PLXNB1: variants seen among roughly 807,000 people sequenced by gnomAD.
The protein encoded by PLXNB1 is plexin B1.
PLXNB1 carries 106 observed loss-of-function variants against 209.4 expected under a neutral mutation model. The ratio of observed to expected loss-of-function variants is 0.51; its 90% CI spans 0.43 to 0.59. The LOEUF (loss-of-function observed/expected upper bound fraction) is 0.59, where lower values mean the gene tolerates loss of function less well. PLXNB1 is among the 20% of genes least tolerant of loss of function. The probability of loss-of-function intolerance (pLI) is 0.00; values close to 1 mark genes in which losing one functional copy is unlikely to be tolerated. For synonymous variants in PLXNB1, 1,167 were observed against 1,183.2 expected, an observed-to-expected ratio of 0.99 and a Z score of 0.28; for missense variants, 2,357 against 2,853.2, an observed-to-expected ratio of 0.83 and a Z score of 3.96.
Position 48,424,636 on chromosome 3 carries a change from G to C in PLXNB1, c.-6-19C>G. The stretch of plus-strand genomic sequence containing the variant: ...TGGTCACCTGGCAGGAAGAGAGGTC[G>C]AGAGAGTGGGGCTCACGTGGCCGCC... On this transcript the variant is annotated intron_variant, in intron 2 of 37. Transcript: ENST00000296440. 1 of 1,531,472 alleles carries C rather than the reference G, an allele frequency of 6.5e-7. No homozygotes were observed. Among genetic ancestry groups the C allele is most frequent in the Non-Finnish European group, 8.7e-7 (1 of 1,143,920 alleles). 94.9% of individuals were successfully genotyped at this position (1,531,472 alleles called of 1,614,324 possible).
chr3:48,421,188 G>A (rs760343578), intron 8 of PLXNB1, 40 bp downstream of exon 8: 1 of 1,595,614 alleles, frequency 6.3e-7, no homozygotes, highest in South Asian at 1.1e-5. Flanking sequence ...CCCTGAAGCA[G>A]GGGCTGGCCC....
chr3:48,426,907 T>C (rs888752537), intron 1 of PLXNB1, among the ~76,000 whole-genome samples: 1 of 152,100 alleles, frequency 6.6e-6, no homozygotes, highest in Non-Finnish European at 1.5e-5. Flanking sequence ...TTTCTTCCCA[T>C]GGGAAGACAG....
chr3:48,418,674 T>C lies in PLXNB1; in HGVS notation c.2956-132A>G, dbSNP rs2038272025. 1.1e-6 allele frequency: 1 copy of C among 904,256 alleles called. No individual in the cohort carries two copies. Among genetic ancestry groups the C allele is most frequent in the Admixed American group, 2.3e-5 (1 of 44,072 alleles). 56.0% of individuals were successfully genotyped at this position (904,256 alleles called of 1,614,324 possible). ...CAGAGGGACCCCATGGGGCCACAAGTTGGAGGGCAGAGCCAGAAATGGAGT... is the reference window on the plus strand; with the variant it reads ...CAGAGGGACCCCATGGGGCCACAAGCTGGAGGGCAGAGCCAGAAATGGAGT... On this transcript the variant is annotated intron_variant, in intron 13 of 37. Transcript: ENST00000296440. The surrounding 1 kb of genome is among the most constrained non-coding windows in gnomAD (Gnocchi z 6.6).
intron 1 of PLXNB1, among the ~76,000 whole-genome samples, chr3:48,426,782 C>G (rs972859761): frequency 6.6e-6 from 1 of 151,980 alleles, no homozygotes; most frequent in Non-Finnish European, 1.5e-5. Flanking sequence ...CCCAAGGGGG[C>G]GGGGGGAAGG....
rs771118029 is a variant in PLXNB1, at chr3:48,415,598, G to A, written c.3779C>T (p.Thr1260Ile). Reference protein sequence around the residue: ...LDPNITSAGPTKSFLSGGREI... With the variant: ...LDPNITSAGPIKSFLSGGREI... ...GGCCCAACACCTGAGGAAGCTCTTG[G>A]TGGGGCCAGCAGAGGTGATGTTGGG... Residue 1260 changes from threonine to isoleucine, a missense_variant, in exon 19 of 38, where the codon ACC becomes ATC. By Grantham distance (89) the Thr-to-Ile change is moderately conservative. Transcript: ENST00000296440. The surrounding 1 kb of genome is among the most constrained non-coding windows in gnomAD (Gnocchi z 5.0). 9 of 1,581,948 alleles carry A rather than the reference G, an allele frequency of 5.7e-6. No homozygotes were observed. In the East Asian group the frequency reaches 1.4e-4, roughly 24 times the overall value.
chr3:48,418,091 T>C lies in PLXNB1; in HGVS notation c.3223-29A>G. ...TTCCAGGACAAGGACTGCTCACCTCTACTCAACTGGAAAGGCAGCCCCAAC... is the reference window on the plus strand; with the variant it reads ...TTCCAGGACAAGGACTGCTCACCTCCACTCAACTGGAAAGGCAGCCCCAAC... On this transcript the variant is annotated intron_variant, in intron 15 of 37. Transcript: ENST00000296440. This position sits in a 1 kb window ranked among gnomAD's most constrained non-coding sequence, Gnocchi z 6.6. 1.2e-6 allele frequency: 2 copies of C among 1,608,926 alleles called. No homozygotes were observed. Among genetic ancestry groups the C allele is most frequent in the Admixed American group, 3.3e-5 (2 of 59,902 alleles).
In PLXNB1 at chr3:48,419,330, C is replaced by T. The variant is rs2038328657; in HGVS notation, c.2746G>A (p.Val916Met). 1 of 1,589,302 alleles carries T rather than the reference C, an allele frequency of 6.3e-7. No homozygotes were observed. The highest frequency in any genetic ancestry group is 1.7e-5 in the Admixed American group (1 of 57,290). The stretch of plus-strand genomic sequence containing the variant: ...AACGTGGAGCCCTGAACGCTCTCCA[C>T]ACAGGGGCAGGAGCTTGCCCCCAAG... ...ATLGASSCPC[V>M]ESVQGSTLMP... Residue 916 changes from valine (V) to methionine (M), a missense_variant, in exon 12 of 38, where the codon GTG becomes ATG. By Grantham distance (21) the Val-to-Met change is conservative (BLOSUM62 1). This residue lies in a region of PLXNB1 where 410 missense variants were observed against 401.0 expected (regional missense o/e 1.02). Transcript: ENST00000296440. The surrounding 1 kb of genome is among the most constrained non-coding windows in gnomAD (Gnocchi z 5.7).
In PLXNB1 at chr3:48,410,622, C is replaced by G; in HGVS notation, c.5417-64G>C. On this transcript the variant is annotated intron_variant, in intron 29 of 37. Coordinates refer to ENST00000296440, the MANE Select transcript of PLXNB1 (RefSeq NM_001130082.3). The surrounding 1 kb of genome is among the most constrained non-coding windows in gnomAD (Gnocchi z 6.4). The stretch of plus-strand genomic sequence containing the variant: ...ATACCCTTCCCATAGTGGAGCCCAT[C>G]TCCTCCTCCACAGGGACACCAGCCC... 7.3e-7 allele frequency: 1 copy of G among 1,365,984 alleles called. No homozygotes were observed. The highest frequency in any genetic ancestry group is 1.0e-6 in the Non-Finnish European group (1 of 960,976). The allele number at this position is 1,365,984 out of a possible 1,614,324, so 84.6% of individuals were successfully genotyped here.
chr3:48,422,190 C>A lies in PLXNB1; in HGVS notation c.1435G>T (p.Val479Leu), dbSNP rs781723083. Residue 479 changes from valine to leucine, a missense_variant, in exon 6 of 38, where the codon GTG becomes TTG. Physicochemically the swap from Val to Leu is conservative, Grantham distance 32. This residue lies in a region of PLXNB1 where 214 missense variants were observed against 297.1 expected (regional missense o/e 0.72). Coordinates refer to ENST00000296440, the MANE Select transcript of PLXNB1 (RefSeq NM_001130082.3). Reference sequence around the variant, plus strand: ...TCCAGGTGCTGAGCACAGGAAGCCACAGGAACCTTCAGAAGCTGAGACAGC... The same window carrying A: ...TCCAGGTGCTGAGCACAGGAAGCCAAAGGAACCTTCAGAAGCTGAGACAGC... ...MTQSTLLKVPVASCAQHLDCA... is the reference protein window; with the variant it reads ...MTQSTLLKVPLASCAQHLDCA... The A allele has an allele frequency of 5.0e-6, 8 of 1,614,076 alleles. No individual in the cohort carries two copies. Among genetic ancestry groups the A allele is most frequent in the Non-Finnish European group, 6.8e-6 (8 of 1,179,958 alleles).
intron 21 of PLXNB1, among the ~76,000 whole-genome samples, chr3:48,414,337 C>G (rs1348438403): frequency 6.6e-6 from 1 of 152,194 alleles, no homozygotes; most frequent in African/African-American, 2.4e-5. Context: ...CCTAACAAAG[C>G]TGGAGCCCCC....
rs1271511788 is a variant in PLXNB1, at chr3:48,412,624, C to T, written c.4855-4G>A. ...GGCTCTCCAGCGTGTGGATGAACTG[C>T]AGCCAAAGAGAAGGGATGGGAAAAG... is the stretch of plus-strand genomic sequence containing the variant. On this transcript the variant is annotated splice_polypyrimidine_tract_variant and splice_region_variant and intron_variant, in intron 25 of 37. Transcript: ENST00000296440. 6.2e-7 allele frequency: 1 copy of T among 1,612,896 alleles called. No individual in the cohort carries two copies. Among genetic ancestry groups the T allele is most frequent in the Non-Finnish European group, 8.5e-7 (1 of 1,179,594 alleles).
chr3:48,424,680 T>C (rs2038790724), intron 2 of PLXNB1, 63 bp from the exon 3 acceptor site: 2 of 1,476,150 alleles, frequency 1.4e-6, no homozygotes, highest in Non-Finnish European at 9.1e-7. Context: ...CTGGGGCCAC[T>C]GGTAAGGGAT....
chr3:48,423,433 C>A (rs1056382499), intron 3 of PLXNB1, 72 bp downstream of exon 3: 4 of 1,529,724 alleles, frequency 2.6e-6, no homozygotes, highest in Non-Finnish European at 3.6e-6. Context: ...ACTCTCTGGG[C>A]AGCTCCTTGG....
chr3:48,413,960 C>G lies in PLXNB1; in HGVS notation c.4321G>C (p.Val1441Leu). Reference protein sequence around the residue: ...TRHHLYCEPPVEQPLPRHHAL... With the variant: ...TRHHLYCEPPLEQPLPRHHAL... ...TGGTGCCGTGGCAGGGGCTGCTCCACGGGGGGCTCGCAGTACAGGTGGTGC... is the reference window on the plus strand; with the variant it reads ...TGGTGCCGTGGCAGGGGCTGCTCCAGGGGGGGCTCGCAGTACAGGTGGTGC... The change falls in exon 22 of 38, where the codon GTG (valine) becomes CTG (leucine). Residue 1441 changes from valine to leucine, a missense_variant. This residue lies in a region of PLXNB1 where 743 missense variants were observed against 896.2 expected (regional missense o/e 0.83). Transcript: ENST00000296440. This position sits in a 1 kb window ranked among gnomAD's most constrained non-coding sequence, Gnocchi z 5.4. 1 of 1,613,308 alleles carries G rather than the reference C, an allele frequency of 6.2e-7. No homozygotes were observed. The highest frequency in any genetic ancestry group is 8.5e-7 in the Non-Finnish European group (1 of 1,179,828).
At position 48,421,210 on chromosome 3, in the gene PLXNB1, G is replaced by A. The variant is rs1560069211; in HGVS notation, c.1810+18C>T. 1 of 1,611,404 alleles carries A rather than the reference G, an allele frequency of 6.2e-7. No homozygotes were observed. Among genetic ancestry groups the A allele is most frequent in the South Asian group, 1.1e-5 (1 of 90,704 alleles). On this transcript the variant is annotated intron_variant, in intron 8 of 37. Coordinates refer to ENST00000296440, the MANE Select transcript of PLXNB1 (RefSeq NM_001130082.3). ...GCAGGGGCTGGCCCCCACCAGGCTG[G>A]CCCATTCTCTCACCCACCGGCTCCT...
chr3:48,418,519 C>T lies in PLXNB1; in HGVS notation c.2979G>A (p.Pro993=), dbSNP rs541951331. Residue 993 remains proline (P), a synonymous_variant, in exon 14 of 38, where the codon CCG becomes CCA. Transcript: ENST00000296440. This position sits in a 1 kb window ranked among gnomAD's most constrained non-coding sequence, Gnocchi z 6.6. ...QHQLSYEALQ[P]ELRVGLFLRR... is the part of the protein sequence containing the mutation. ...GCAGAAACAGCCCCACACGGAGCTCCGGCTGCAGAGCCTCATAGCTGAGCT... is the reference window on the plus strand; with the variant it reads ...GCAGAAACAGCCCCACACGGAGCTCTGGCTGCAGAGCCTCATAGCTGAGCT... The T allele has an allele frequency of 1.3e-4, 206 of 1,606,730 alleles. 3 individuals are homozygous for T. The South Asian group carries it at 1.6e-3, about 12-fold the overall frequency.
At position 48,426,124 on chromosome 3, in the gene PLXNB1, C is replaced by T. The variant is rs368944800; in HGVS notation, c.-59-791G>A. On this transcript the variant is annotated intron_variant, in intron 1 of 37. Coordinates refer to ENST00000296440, the MANE Select transcript of PLXNB1 (RefSeq NM_001130082.3). ...GCTAGGCCATCTCTTGCTATTTCCT[C>T]TCCTGCAGTTCAGAATAGTGCCAGG... Among the ~76,000 whole-genome samples the T allele has an allele frequency of 1.5e-4, 23 of 152,310 alleles. No individual in the cohort carries two copies. In the East Asian group the frequency reaches 2.9e-3, roughly 19 times the overall value.
chr3:48,416,064 A>T lies in PLXNB1; in HGVS notation c.3584T>A (p.Ile1195Asn). The T allele has an allele frequency of 6.2e-7, 1 of 1,602,580 alleles. No homozygotes were observed. The highest frequency in any genetic ancestry group is 2.2e-5 in the East Asian group (1 of 44,460). ...AGGCTGGTCTCCAACCACCACTCGG[A>T]TGTCCTCCAGCCGCCCAGTCAGGAG... ...SKLLTGRLED[I>N]RVVVGDQPCH... Residue 1195 changes from isoleucine (I) to asparagine (N), a missense_variant, in exon 18 of 38, where the codon ATC becomes AAC. Physicochemically the swap from Ile to Asn is moderately radical, Grantham distance 149. Around this residue, in one of 7 missense-constraint regions of PLXNB1, gnomAD observed 743 missense variants for 896.2 expected, o/e 0.83. Coordinates refer to ENST00000296440, the MANE Select transcript of PLXNB1 (RefSeq NM_001130082.3). The surrounding 1 kb of genome is among the most constrained non-coding windows in gnomAD (Gnocchi z 4.1).
rs2038588488 is a variant in PLXNB1 at position 48,422,379 on chromosome 3, G to C, written c.1371C>G (p.Leu457=). 6.2e-7 allele frequency: 1 copy of C among 1,608,682 alleles called. No individual in the cohort carries two copies. Among genetic ancestry groups the C allele is most frequent in the Admixed American group, 1.7e-5 (1 of 59,204 alleles). ...IQQGSAVSRD[L]TFDGTFEHLY... ...GGTGCTCAAAGGTCCCATCAAAGGTGAGGTCTCTGCTCACTGCAGACCCCT... is the reference window on the plus strand; with the variant it reads ...GGTGCTCAAAGGTCCCATCAAAGGTCAGGTCTCTGCTCACTGCAGACCCCT... Residue 457 remains leucine (L), a synonymous_variant, in exon 5 of 38, where the codon CTC becomes CTG. Transcript: ENST00000296440.
Sources: gnomAD v4.1 joint callset for allele counts (sites outside exome capture counted in the v4.1 genomes callset) on GRCh38, gnomAD v4.1.1 for gene constraint, gnomAD v4.1.1 regional missense constraint, Gnocchi (gnomAD v3.1) non-coding constraint, MANE v1.5 for transcripts, NCBI Gene and HGNC (gene_info 2026-07-23, HGNC 2026-07-21) for gene names.